CCBE1: variants seen among roughly 807,000 people sequenced by gnomAD.
CCBE1 encodes the protein collagen and calcium binding EGF domains 1, also known as collagen and calcium-binding EGF domain-containing protein 1.
A neutral mutation model predicts 50.0 loss-of-function variants in CCBE1; 37 were observed. The ratio of observed to expected loss-of-function variants is 0.74; its 90% CI spans 0.57 to 0.97. The LOEUF (loss-of-function observed/expected upper bound fraction) is 0.97, where lower values mean the gene tolerates loss of function less well. CCBE1 is among the 50% of genes least tolerant of loss of function. The pLI, the probability that CCBE1 is intolerant of heterozygous loss-of-function variation, is 0.00. For synonymous variants in CCBE1, 234 were observed against 203.7 expected, an observed-to-expected ratio of 1.15 and a Z score of -1.27; for missense variants, 538 against 523.8, an observed-to-expected ratio of 1.03 and a Z score of -0.26.
intron 2 of CCBE1, among the ~76,000 whole-genome samples, chr18:59,514,206 A>C (rs1914261136): frequency 6.6e-6 from 1 of 152,196 alleles, no homozygotes; most frequent in African/African-American, 2.4e-5. Flanking sequence ...TACGGATCCC[A>C]TATTACCGAT....
chr18:59,676,825 T>C, intron 2 of CCBE1, among the ~76,000 whole-genome samples: 1 of 152,152 alleles, frequency 6.6e-6, no homozygotes, highest in East Asian at 1.9e-4. Context: ...CATAATTAAA[T>C]TCAGAAGGAT....
intron 2 of CCBE1, among the ~76,000 whole-genome samples, chr18:59,529,594 G>C (rs1914968665): frequency 6.6e-6 from 1 of 152,168 alleles, no homozygotes; most frequent in Non-Finnish European, 1.5e-5. Context: ...CTTGGCTGGG[G>C]GTGGGGTGGG....
rs1437478518 is a variant in CCBE1, at chr18:59,696,712, A to G, written c.132-3T>C. On this transcript the variant is annotated splice_polypyrimidine_tract_variant and splice_region_variant and intron_variant, in intron 1 of 10. Transcript: ENST00000439986. ...TTTTGCTCTCTGAGCAGATTTCTCT[A>G]TGAAAAAGTGCAGAGGAAATGTTCG... is the stretch of plus-strand genomic sequence containing the variant. 3 of 1,613,566 alleles carry G rather than the reference A, an allele frequency of 1.9e-6. No homozygotes were observed. The highest frequency in any genetic ancestry group is 2.2e-5 in the East Asian group (1 of 44,868).
At chr18:59,439,630 A>C (rs777310142) in intron 8 of CCBE1, 47 bp downstream of exon 8, 4 of 1,614,218 alleles carry the variant, frequency 2.5e-6, no homozygotes, top group African/African-American at 1.3e-5. Flanking sequence ...TGGGACAAAA[A>C]CACATTTTCC....
intron 2 of CCBE1, among the ~76,000 whole-genome samples, chr18:59,555,349 A>T (rs1302378582): frequency 6.6e-6 from 1 of 152,184 alleles, no homozygotes; most frequent in Non-Finnish European, 1.5e-5. Context: ...CAAGGCTATG[A>T]AACTGCCCCA....
intron 2 of CCBE1, among the ~76,000 whole-genome samples, chr18:59,694,194 T>TA (rs1326792367): frequency 2.0e-5 from 3 of 152,160 alleles, no homozygotes; most frequent in African/African-American, 7.2e-5. Flanking sequence ...AAGTCATTTT[T>TA]AAACACACTT....
At chr18:59,596,344 A>G (rs1053516060) in intron 2 of CCBE1, among the ~76,000 whole-genome samples, 2 of 152,186 alleles carry the variant, frequency 1.3e-5, no homozygotes. Context: ...TTTAAAAATA[A>G]TTTTGTCCAA....
chr18:59,643,327 C>T (rs1017586416), intron 2 of CCBE1, among the ~76,000 whole-genome samples: 1 of 152,168 alleles, frequency 6.6e-6, no homozygotes, highest in Non-Finnish European at 1.5e-5. Flanking sequence ...AGCAAATGCT[C>T]CATTGATTTG....
intron 2 of CCBE1, among the ~76,000 whole-genome samples, chr18:59,602,911 A>G (rs770950140): frequency 2.0e-5 from 3 of 152,246 alleles, no homozygotes; most frequent in Non-Finnish European, 4.4e-5. Flanking sequence ...CTTCACATGC[A>G]CAGGCTCTGC....
chr18:59,590,316 A>G (rs2053244346), intron 2 of CCBE1, among the ~76,000 whole-genome samples: 2 of 152,218 alleles, frequency 1.3e-5, no homozygotes, highest in Non-Finnish European at 2.9e-5. Flanking sequence ...TGCTCAGAAA[A>G]AAGCTTAAGA....
At chr18:59,468,408 G>T in intron 4 of CCBE1, among the ~76,000 whole-genome samples, 1 of 149,220 alleles carries the variant, frequency 6.7e-6, no homozygotes. Flanking sequence ...TAAAGAATAG[G>T]GTACAGTAGC....
chr18:59,451,433 TA>T (rs34421089), intron 6 of CCBE1, among the ~76,000 whole-genome samples: 2,854 of 99,332 alleles, frequency 0.029, 39 homozygotes, highest in South Asian at 0.044. Flanking sequence ...ACAAGCAACT[TA>T]AAAAAAAAAA....
At chr18:59,448,180 C>T in intron 6 of CCBE1, 77 bp from the exon 7 acceptor site, 1 of 1,595,246 alleles carries the variant, frequency 6.3e-7, no homozygotes, top group East Asian at 2.2e-5. Context: ...GTGGGAGAAG[C>T]TGCAAAGCCT....
At chr18:59,660,156 C>T (rs2144686702) in intron 2 of CCBE1, among the ~76,000 whole-genome samples, 1 of 152,324 alleles carries the variant, frequency 6.6e-6, no homozygotes, top group South Asian at 2.1e-4. Flanking sequence ...CCAGCCTGCA[C>T]TCCCTCTATC....
At chr18:59,472,593 C>G (rs558789100) in intron 3 of CCBE1, among the ~76,000 whole-genome samples, 1 of 152,320 alleles carries the variant, frequency 6.6e-6, no homozygotes, top group South Asian at 2.1e-4. Context: ...TCAAATAATC[C>G]TCGTCTCAGC....
chr18:59,627,446 C>A (rs891314), intron 2 of CCBE1, among the ~76,000 whole-genome samples: 15,639 of 152,172 alleles, frequency 0.1, 847 homozygotes, highest in East Asian at 0.14. Flanking sequence ...ATACTGTGTC[C>A]CCCAAAAAGA....
At chr18:59,670,621 A>T (rs968387863) in intron 2 of CCBE1, among the ~76,000 whole-genome samples, 1 of 152,176 alleles carries the variant, frequency 6.6e-6, no homozygotes, top group Non-Finnish European at 1.5e-5. Flanking sequence ...AAGTGATTCT[A>T]TATCTTACAC....
chr18:59,578,363 C>T (rs1027073707), intron 2 of CCBE1, among the ~76,000 whole-genome samples: 1 of 152,160 alleles, frequency 6.6e-6, no homozygotes, highest in Non-Finnish European at 1.5e-5. Context: ...TGTAAATTAG[C>T]TCAACCACTG....
chr18:59,519,973 G>A (rs891579994), intron 2 of CCBE1, among the ~76,000 whole-genome samples: 20 of 152,168 alleles, frequency 1.3e-4, no homozygotes, highest in African/African-American at 3.9e-4. Context: ...GTCAAAGATC[G>A]GATGGTTGTA....
Sources: allele counts gnomAD v4.1 joint callset (sites outside exome capture counted in the v4.1 genomes callset), GRCh38; gene constraint gnomAD v4.1.1; transcripts MANE v1.5; gene names NCBI Gene and HGNC (gene_info 2026-07-23, HGNC 2026-07-21).